Variants in SLC39A4 observed in about 807,000 individuals in gnomAD.
SLC39A4 encodes the protein zinc transporter ZIP4.
SLC39A4 carries 49 observed loss-of-function variants against 56.6 expected under a neutral mutation model. The observed-to-expected ratio is 0.87, with a 90% CI of 0.69 to 1.10. SLC39A4 has a LOEUF of 1.10. SLC39A4 is among the 50% of genes least tolerant of loss of function. The pLI is 0.00. For synonymous variants in SLC39A4, 540 were observed against 420.4 expected, an observed-to-expected ratio of 1.28 and a Z score of -3.48; for missense variants, 993 against 864.2, an observed-to-expected ratio of 1.15 and a Z score of -1.87.
In SLC39A4 at chr8:144,414,843, A is replaced by G. The variant is rs1822097880; in HGVS notation, c.858T>C (p.Ala286=). ...GGGCCCAGGCCTCCGGGGTCACCCC[A>G]GCCTGTTCCGACAGTCCATATGCAG... The part of the protein sequence containing the change: ...VMAAYGLSEQ[A]GVTPEAWAQL... Residue 286 remains alanine, a synonymous_variant, in exon 5 of 12, where the codon GCT becomes GCC. Coordinates refer to ENST00000301305, the MANE Select transcript of SLC39A4 (RefSeq NM_130849.4). 2.5e-6 allele frequency: 4 copies of G among 1,613,254 alleles called. No homozygotes were observed. Among genetic ancestry groups the G allele is most frequent in the Admixed American group, 1.7e-5 (1 of 60,008 alleles).
chr8:144,414,960 A>T lies in SLC39A4; in HGVS notation c.804+14T>A, dbSNP rs1554873324. ...CCCCGGTGAGGCCCCATCTTACCCC[A>T]GGGCGCAGCTCACCGTGTCCCACAC... On this transcript the variant is annotated intron_variant, in intron 4 of 11. Transcript: ENST00000301305. 3 of 1,612,718 alleles carry T rather than the reference A, an allele frequency of 1.9e-6. No homozygotes were observed. The highest frequency in any genetic ancestry group is 2.5e-6 in the Non-Finnish European group (3 of 1,179,934).
chr8:144,412,698 C>CCTGCTCAGCTCCT, intron 11 of SLC39A4, 32 bp from the exon 12 acceptor site: 2 of 1,613,544 alleles, frequency 1.2e-6, no homozygotes, highest in Non-Finnish European at 1.7e-6. Flanking sequence ...GGTCAGCGCC[C>CCTGCTCAGCTCCT]CTGCTCAGCT....
In SLC39A4 at chr8:144,416,107, A is replaced by C. The variant is rs1822184046; in HGVS notation, c.193-16T>G. ...CAGACAGGCACTGTGGGCAGAGACA[A>C]GTGAGCAGGGGCGCTGGGCCCACCA... On this transcript the variant is annotated splice_polypyrimidine_tract_variant and intron_variant, in intron 1 of 11. Coordinates refer to ENST00000301305, the MANE Select transcript of SLC39A4 (RefSeq NM_130849.4). 2 of 1,601,064 alleles carry C rather than the reference A, an allele frequency of 1.2e-6. No individual in the cohort carries two copies. Among genetic ancestry groups the C allele is most frequent in the East Asian group, 4.5e-5 (2 of 44,564 alleles).
At chr8:144,415,710 AG>A in intron 2 of SLC39A4, 99 bp downstream of exon 2, 1 of 1,433,732 alleles carries the variant, frequency 7.0e-7, no homozygotes, top group South Asian at 1.5e-5. Context: ...GCGTCTCCCC[AG>A]GCCCCCAGGC....
chr8:144,414,485 T>C, intron 5 of SLC39A4, 51 bp from the exon 6 acceptor site: 1 of 1,548,166 alleles, frequency 6.5e-7, no homozygotes. Context: ...ACTCAGCCCC[T>C]GCTTCCCGGG....
In SLC39A4 at chr8:144,412,588, A is replaced by C. The variant is rs782004376; in HGVS notation, c.1894T>G (p.Trp632Gly). 6.8e-6 allele frequency: 11 copies of C among 1,614,070 alleles called. No individual in the cohort carries two copies. The highest frequency in any genetic ancestry group is 1.7e-5 in the Admixed American group (1 of 60,008). Residue 632 changes from tryptophan to glycine, a missense_variant, in exon 12 of 12, where the codon TGG becomes GGG. Physicochemically the swap from Trp to Gly is radical, Grantham distance 184 (BLOSUM62 -2). Transcript: ENST00000301305. ...LLHNVGLLGG[W>G]TVLLLLSLYE... ...AGGGACAGCAGCAGCAGGACGGTCC[A>C]GCCGCCCAGCAGGCCCACGTTGTGC... is the stretch of plus-strand genomic sequence containing the variant.
intron 6 of SLC39A4, 70 bp downstream of exon 6, chr8:144,414,192 T>C: frequency 1.9e-6 from 3 of 1,580,374 alleles, no homozygotes; most frequent in South Asian, 1.2e-5. Flanking sequence ...GTAAGGTCCC[T>C]GGGAGGGCAC....
chr8:144,415,667 G>A (rs935390020), intron 2 of SLC39A4, 143 bp downstream of exon 2: 23 of 1,302,012 alleles, frequency 1.8e-5, no homozygotes, highest in East Asian at 2.5e-5. Flanking sequence ...TGAGCCCCAC[G>A]TTGTGAATCC....
At chr8:144,415,684 G>T (rs577628925) in intron 2 of SLC39A4, 126 bp downstream of exon 2, 24 of 1,369,962 alleles carry the variant, frequency 1.8e-5, no homozygotes, top group Non-Finnish European at 2.2e-5. Context: ...ATCCCCAGCC[G>T]CAGGCCGACT....
chr8:144,415,391 T>A lies in SLC39A4; in HGVS notation c.503A>T (p.Glu168Val). The A allele has an allele frequency of 6.2e-7, 1 of 1,606,476 alleles. No individual in the cohort carries two copies. Among genetic ancestry groups the A allele is most frequent in the African/African-American group, 1.3e-5 (1 of 74,692 alleles). ...MACVDIPQLL[E>V]EAVGAGAPGS... Reference sequence around the variant, plus strand: ...CGGAGCCCCCGCCCCCACCGCCTCCTCCAGCAGCTGAGGGATATCTACGCA... The same window carrying A: ...CGGAGCCCCCGCCCCCACCGCCTCCACCAGCAGCTGAGGGATATCTACGCA... The change falls in exon 3 of 12, where the codon GAG becomes GTG. Residue 168 changes from glutamate to valine, a missense_variant. Physicochemically the swap from Glu to Val is moderately radical, Grantham distance 121 (BLOSUM62 -2). Coordinates refer to ENST00000301305, the MANE Select transcript of SLC39A4 (RefSeq NM_130849.4).
Position 144,415,375 on chromosome 8 carries a change from C to A in SLC39A4, c.519G>T (p.Ala173=). 6.2e-7 allele frequency: 1 copy of A among 1,608,224 alleles called. No individual in the cohort carries two copies. The highest frequency in any genetic ancestry group is 2.2e-5 in the East Asian group (1 of 44,644). ...IPQLLEEAVG[A]GAPGSAGGVL... is the part of the protein sequence containing the mutation. ...CGCCGCCAGCACTGCCCGGAGCCCC[C>A]GCCCCCACCGCCTCCTCCAGCAGCT... Residue 173 remains alanine, a synonymous_variant, in exon 3 of 12, where the codon GCG becomes GCT. Coordinates refer to ENST00000301305, the MANE Select transcript of SLC39A4 (RefSeq NM_130849.4).
In SLC39A4 at chr8:144,412,805, A is replaced by G; in HGVS notation, c.1769T>C (p.Leu590Pro). 3 of 1,613,150 alleles carry G rather than the reference A, an allele frequency of 1.9e-6. No homozygotes were observed. Among genetic ancestry groups the G allele is most frequent in the Non-Finnish European group, 1.7e-6 (2 of 1,179,936 alleles). ...GAGGAACAGGCCGGTGGCCACTGCC[A>G]GGATCCAGGCCTCGCTCTCCTCGCT... The part of the protein sequence containing the change: ...GVSEESEAWI[L>P]AVATGLFLYV... The change falls in exon 11 of 12, where the codon CTG becomes CCG. Residue 590 changes from leucine to proline, a missense_variant. Leu to Pro is a moderately conservative substitution (Grantham distance 98). Coordinates refer to ENST00000301305, the MANE Select transcript of SLC39A4 (RefSeq NM_130849.4).
chr8:144,415,731 G>C, intron 2 of SLC39A4, 79 bp downstream of exon 2: 1 of 1,464,632 alleles, frequency 6.8e-7, no homozygotes, highest in Non-Finnish European at 9.0e-7. Flanking sequence ...CTCCCCGAAG[G>C]CTTTGCAGCC....
chr8:144,414,941 T>A (rs1554873315), intron 4 of SLC39A4, 33 bp downstream of exon 4: 1 of 1,612,864 alleles, frequency 6.2e-7, no homozygotes, highest in African/African-American at 1.3e-5. Flanking sequence ...CAGACCCCGG[T>A]GAGGCCCCAT....
Position 144,413,393 on chromosome 8 carries a change from C to T in SLC39A4, c.1475-4G>A, listed in dbSNP as rs782684712. On this transcript the variant is annotated splice_region_variant and splice_polypyrimidine_tract_variant and intron_variant, in intron 9 of 11. Coordinates refer to ENST00000301305, the MANE Select transcript of SLC39A4 (RefSeq NM_130849.4). Reference sequence around the variant, plus strand: ...ATATAGGGCAGTAGCCTCAACTCTGCGGGCGCAGAGGCCCGTGGGTTCGCG... The same window carrying T: ...ATATAGGGCAGTAGCCTCAACTCTGTGGGCGCAGAGGCCCGTGGGTTCGCG... The T allele has an allele frequency of 1.9e-6, 3 of 1,608,604 alleles. No individual in the cohort carries two copies. The highest frequency in any genetic ancestry group is 2.5e-6 in the Non-Finnish European group (3 of 1,178,820).
In SLC39A4 at chr8:144,415,101, G is replaced by A; in HGVS notation, c.677C>T (p.Ala226Val). Residue 226 changes from alanine (A) to valine (V), a missense_variant, in exon 4 of 12, where the codon GCC becomes GTC. Transcript: ENST00000301305. ...EVPMTLAELSALMQRLGVGRE... is the reference protein window; with the variant it reads ...EVPMTLAELSVLMQRLGVGRE... ...GCCCACCCCCAGGCGCTGCATCAAG[G>A]CTGACAGCTCTGGCAGGGAGAAGAG... The A allele has an allele frequency of 1.2e-6, 2 of 1,612,070 alleles. No homozygotes were observed. The highest frequency in any genetic ancestry group is 1.7e-6 in the Non-Finnish European group (2 of 1,179,912).
At position 144,415,113 on chromosome 8, in the gene SLC39A4, G is replaced by T. The variant is rs782533144; in HGVS notation, c.668-3C>A. ...GCGCTGCATCAAGGCTGACAGCTCT[G>T]GCAGGGAGAAGAGTTGGCACCGCGA... On this transcript the variant is annotated splice_region_variant and splice_polypyrimidine_tract_variant and intron_variant, in intron 3 of 11. Transcript: ENST00000301305. 6.2e-7 allele frequency: 1 copy of T among 1,612,404 alleles called. No homozygotes were observed. The highest frequency in any genetic ancestry group is 2.2e-5 in the East Asian group (1 of 44,878).
At chr8:144,415,761 G>T (rs369269146) in intron 2 of SLC39A4, 49 bp downstream of exon 2, 3 of 1,551,702 alleles carry the variant, frequency 1.9e-6, no homozygotes, top group East Asian at 2.3e-5. Context: ...CCCATGGGCC[G>T]TGGGACCCTC....
At chr8:144,416,226 C>A (rs369870889) in intron 1 of SLC39A4, 135 bp from the exon 2 acceptor site, 1 of 1,583,632 alleles carries the variant, frequency 6.3e-7, no homozygotes, top group East Asian at 2.3e-5. Context: ...CAACCCCTGG[C>A]GCCCTTCCGT....
Sources: allele counts gnomAD v4.1 joint callset, GRCh38; gene constraint gnomAD v4.1.1; transcripts MANE v1.5; gene names NCBI Gene and HGNC (gene_info 2026-07-23, HGNC 2026-07-21).